Variants in OPCML observed in about 807,000 individuals in gnomAD.
OPCML encodes opioid binding protein/cell adhesion molecule like, also known as opioid-binding protein/cell adhesion molecule.
Under a neutral mutation model 37.8 loss-of-function variants are expected in OPCML, and 13 were observed. That is an observed-to-expected ratio of 0.34 (90% CI 0.22 to 0.55). OPCML has a LOEUF of 0.55. Ranked by LOEUF, OPCML falls within the 20% of genes least tolerant of loss-of-function variation. The probability of loss-of-function intolerance (pLI) is 0.91; values close to 1 mark genes in which losing one functional copy is unlikely to be tolerated. For synonymous variants in OPCML, 176 were observed against 168.8 expected, an observed-to-expected ratio of 1.04 and a Z score of -0.33; for missense variants, 341 against 435.6, an observed-to-expected ratio of 0.78 and a Z score of 1.93.
At chr11:132,664,277 T>C (rs1942127373) in intron 2 of OPCML, among the ~76,000 whole-genome samples, 1 of 152,150 alleles carries the variant, frequency 6.6e-6, no homozygotes, top group Non-Finnish European at 1.5e-5. Context: ...TTTTAATAGT[T>C]ACCACTGGAA....
chr11:132,741,436 G>A (rs572266496), intron 2 of OPCML, among the ~76,000 whole-genome samples: 69 of 152,096 alleles, frequency 4.5e-4, no homozygotes, highest in Admixed American at 1.3e-3. Context: ...TGAGCTCAAC[G>A]TGGTGCAGGT....
intron 2 of OPCML, among the ~76,000 whole-genome samples, chr11:132,922,273 CT>C (rs1944833158): frequency 6.6e-6 from 1 of 152,116 alleles, no homozygotes; most frequent in Non-Finnish European, 1.5e-5. Flanking sequence ...CTAAGCATGG[CT>C]TGATTGGATC....
rs200888673 is a variant in OPCML, at chr11:133,488,978, G to C, written c.61+43286C>G. Reference sequence around the variant, plus strand: ...CAGGATCAACAAAAATGTGCACTGGGGAAAGGACACCCTCTTCACTAAATG... The same window carrying C: ...CAGGATCAACAAAAATGTGCACTGGCGAAAGGACACCCTCTTCACTAAATG... On this transcript the variant is annotated intron_variant, in intron 1 of 7. Coordinates refer to ENST00000524381, the MANE Select transcript of OPCML (RefSeq NM_001012393.5). Among the ~76,000 whole-genome samples, 5 of 138,794 alleles carry C rather than the reference G, an allele frequency of 3.6e-5. No homozygotes were observed. The East Asian group carries it at 1.1e-3, about 30-fold the overall frequency. The allele number at this position is 138,794 out of a possible 152,430, so 91.1% of individuals were successfully genotyped here. A position where few individuals can be genotyped will look rare whatever the true frequency, so the allele number is the denominator to read the frequency against.
intron 1 of OPCML, among the ~76,000 whole-genome samples, chr11:133,011,779 AC>A (rs1402384244): frequency 6.6e-6 from 1 of 152,164 alleles, no homozygotes; most frequent in Admixed American, 6.5e-5. Flanking sequence ...TCATTTAACC[AC>A]ACCTAGCCCA....
At chr11:132,623,592 T>G (rs1417414803) in intron 3 of OPCML, among the ~76,000 whole-genome samples, 1 of 152,196 alleles carries the variant, frequency 6.6e-6, no homozygotes, top group Non-Finnish European at 1.5e-5. Context: ...TTATATACAC[T>G]GTTTTAACGA....
intron 2 of OPCML, among the ~76,000 whole-genome samples, chr11:132,670,305 G>A (rs549556095): frequency 2.6e-4 from 39 of 152,202 alleles, no homozygotes; most frequent in African/African-American, 4.3e-4. Context: ...CAAAGACTTC[G>A]GCAGTGCAGA....
intron 4 of OPCML, among the ~76,000 whole-genome samples, chr11:132,499,719 C>T (rs1054552130): frequency 2.0e-5 from 3 of 152,160 alleles, no homozygotes; most frequent in African/African-American, 7.2e-5. Context: ...TGCATTAGAA[C>T]TATGTCATAG....
At chr11:133,402,260 C>G (rs898454457) in intron 1 of OPCML, among the ~76,000 whole-genome samples, 1 of 149,804 alleles carries the variant, frequency 6.7e-6, no homozygotes, top group South Asian at 2.1e-4. Context: ...TAAAAAAAAA[C>G]CCTTCTGGCA....
intron 1 of OPCML, among the ~76,000 whole-genome samples, chr11:133,091,034 T>C (rs992312504): frequency 1.3e-5 from 2 of 152,184 alleles, no homozygotes; most frequent in Admixed American, 1.3e-4. Context: ...AGGGCACCTG[T>C]GGGACCTCAA....
chr11:132,439,424 C>T (rs536284105), intron 4 of OPCML, among the ~76,000 whole-genome samples: 35 of 152,290 alleles, frequency 2.3e-4, no homozygotes, highest in African/African-American at 8.2e-4. Flanking sequence ...CTGGATGGTG[C>T]TACTGGATCA....
intron 1 of OPCML, among the ~76,000 whole-genome samples, chr11:132,980,778 A>G (rs564974135): frequency 6.6e-6 from 1 of 152,374 alleles, no homozygotes; most frequent in Non-Finnish European, 1.5e-5. Context: ...AACGGGCCCA[A>G]GGGTTTCCCT....
chr11:133,119,616 T>C (rs148784930), intron 1 of OPCML, among the ~76,000 whole-genome samples: 144 of 152,226 alleles, frequency 9.5e-4, no homozygotes, highest in Non-Finnish European at 1.6e-3. Context: ...GCAAACAGCA[T>C]AGGGCATATC....
intron 1 of OPCML, among the ~76,000 whole-genome samples, chr11:133,215,314 T>C (rs1202718046): frequency 6.6e-6 from 1 of 152,166 alleles, no homozygotes; most frequent in East Asian, 1.9e-4. Flanking sequence ...GGGTTTGAAT[T>C]TGATGAACTC....
intron 1 of OPCML, among the ~76,000 whole-genome samples, chr11:133,436,050 T>C (rs1946226502): frequency 6.6e-6 from 1 of 152,038 alleles, no homozygotes; most frequent in Non-Finnish European, 1.5e-5. Flanking sequence ...CAAACAAACA[T>C]ATACACAAAA....
At chr11:132,875,464 AT>A (rs564416726) in intron 2 of OPCML, among the ~76,000 whole-genome samples, 407 of 138,720 alleles carry the variant, frequency 2.9e-3, no homozygotes, top group East Asian at 0.011. Flanking sequence ...TACCCATCTA[AT>A]TTTTTTTTTT....
chr11:132,735,675 C>T (rs572517208), intron 2 of OPCML, among the ~76,000 whole-genome samples: 4 of 152,024 alleles, frequency 2.6e-5, no homozygotes, highest in South Asian at 2.1e-4. Context: ...AGTAGAGACG[C>T]GGTTTCACTA....
intron 1 of OPCML, among the ~76,000 whole-genome samples, chr11:133,015,399 G>T (rs1299453048): frequency 4.8e-4 from 34 of 70,180 alleles, no homozygotes; most frequent in African/African-American, 1.3e-3. Context: ...AAGGAATGAA[G>T]GAAGGAAGGA....
chr11:132,480,894 G>A (rs139078203), intron 4 of OPCML, among the ~76,000 whole-genome samples: 8,751 of 151,754 alleles, frequency 0.058, 335 homozygotes, highest in Middle Eastern at 0.092. Flanking sequence ...AGGAACAACC[G>A]CTACCAGCCA....
At chr11:132,994,397 G>A (rs1428066629) in intron 1 of OPCML, among the ~76,000 whole-genome samples, 1 of 152,228 alleles carries the variant, frequency 6.6e-6, no homozygotes, top group Non-Finnish European at 1.5e-5. Context: ...AGAGAAGAGG[G>A]AAGGGCTGGG....
Sources: allele counts gnomAD v4.1 joint callset (sites outside exome capture counted in the v4.1 genomes callset), GRCh38; gene constraint gnomAD v4.1.1; transcripts MANE v1.5; gene names NCBI Gene and HGNC (gene_info 2026-07-23, HGNC 2026-07-21).